The following THSD7B variants were observed in gnomAD, a reference collection of about 807,000 sequenced individuals.
THSD7B encodes the protein thrombospondin type-1 domain-containing protein 7B.
A neutral mutation model predicts 213.6 loss-of-function variants in THSD7B; 138 were observed. That is an observed-to-expected ratio of 0.65 (90% CI 0.56 to 0.74). The LOEUF (loss-of-function observed/expected upper bound fraction) is 0.74, where lower values mean the gene tolerates loss of function less well. Among genes scored for constraint, THSD7B ranks in the 30% least tolerant of loss-of-function variants. The pLI, the probability that THSD7B is intolerant of heterozygous loss-of-function variation, is 0.00. For synonymous variants in THSD7B, 742 were observed against 687.0 expected, an observed-to-expected ratio of 1.08 and a Z score of -1.25; for missense variants, 1,931 against 1,991.5, an observed-to-expected ratio of 0.97 and a Z score of 0.58.
chr2:136,980,818 C>T (rs1303343804), intron 2 of THSD7B, among the ~76,000 whole-genome samples: 1 of 152,174 alleles, frequency 6.6e-6, no homozygotes, highest in Non-Finnish European at 1.5e-5. Context: ...TCATGGTTTC[C>T]CTGGCAGGGT....
intron 27 of THSD7B, 47 bp from the exon 28 acceptor site, chr2:137,676,477 G>A (rs759760784): frequency 1.3e-6 from 2 of 1,493,950 alleles, no homozygotes; most frequent in Non-Finnish European, 1.8e-6. Flanking sequence ...AGATGAAACA[G>A]AGCTCTATGA....
intron 1 of THSD7B, among the ~76,000 whole-genome samples, chr2:136,769,063 C>G (rs1336507419): frequency 6.6e-6 from 1 of 152,194 alleles, no homozygotes; most frequent in African/African-American, 2.4e-5. Context: ...GATAAGCATT[C>G]TATTCCCACC....
chr2:137,444,169 G>A (rs1687479458), intron 14 of THSD7B, among the ~76,000 whole-genome samples: 1 of 151,918 alleles, frequency 6.6e-6, no homozygotes, highest in Non-Finnish European at 1.5e-5. Context: ...ACCTAAACAA[G>A]GTTGGAAGCA....
rs118106073 is a variant in THSD7B at position 137,109,937 on chromosome 2, A to G, written c.1200-5187A>G. On this transcript the variant is annotated intron_variant, in intron 4 of 27. Transcript: ENST00000409968. The stretch of plus-strand genomic sequence containing the variant: ...TTCTCCCCTTGACCCACCTGTCTTA[A>G]CCACACTGGCTTCTGTGCTATTTCT... Among the ~76,000 whole-genome samples the G allele has an allele frequency of 9.9e-5, 15 of 152,140 alleles. No homozygotes were observed. In the East Asian group the frequency reaches 2.7e-3, roughly 27 times the overall value.
intron 2 of THSD7B, among the ~76,000 whole-genome samples, chr2:137,047,999 G>A (rs778057969): frequency 3.2e-4 from 48 of 152,030 alleles, no homozygotes; most frequent in Non-Finnish European, 5.0e-4. Context: ...ATGGTGGTTT[G>A]CCGCACCCAT....
intron 7 of THSD7B, among the ~76,000 whole-genome samples, chr2:137,191,363 C>A (rs1680652610): frequency 6.6e-6 from 1 of 151,762 alleles, no homozygotes; most frequent in African/African-American, 2.4e-5. Context: ...AATCTCCTAA[C>A]TATTACTTGC....
chr2:137,651,487 A>G (rs1683135887), intron 21 of THSD7B, among the ~76,000 whole-genome samples: 1 of 151,444 alleles, frequency 6.6e-6, no homozygotes, highest in South Asian at 2.1e-4. Flanking sequence ...AAAGTTTGTC[A>G]GTTTTGTTTA....
chr2:137,370,081 A>G (rs1344541437), intron 12 of THSD7B, among the ~76,000 whole-genome samples: 1 of 152,138 alleles, frequency 6.6e-6, no homozygotes, highest in Non-Finnish European at 1.5e-5. Context: ...GCTCCTTTAT[A>G]TTTTATTGAC....
At chr2:137,275,837 T>G in intron 11 of THSD7B, 86 bp from the exon 12 acceptor site, 2 of 1,031,614 alleles carry the variant, frequency 1.9e-6, no homozygotes. Context: ...TGTCTTTACT[T>G]TTTTTAAACT....
intron 17 of THSD7B, among the ~76,000 whole-genome samples, chr2:137,614,513 T>C (rs766929776): frequency 1.3e-5 from 2 of 152,160 alleles, no homozygotes; most frequent in Non-Finnish European, 2.9e-5. Context: ...ATCAGGAGTA[T>C]CTACCAAGAT....
At chr2:137,013,181 T>C (rs1259821360) in intron 2 of THSD7B, among the ~76,000 whole-genome samples, 2 of 152,152 alleles carry the variant, frequency 1.3e-5, no homozygotes, top group Non-Finnish European at 2.9e-5. Flanking sequence ...CTGGCCAAGA[T>C]TGAGTAACAG....
intron 4 of THSD7B, among the ~76,000 whole-genome samples, chr2:137,106,795 C>T (rs775066265): frequency 5.3e-5 from 8 of 152,222 alleles, no homozygotes; most frequent in Non-Finnish European, 1.2e-4. Context: ...AGCAAAAGCT[C>T]ATCGTCACTG....
intron 15 of THSD7B, among the ~76,000 whole-genome samples, chr2:137,561,858 C>A (rs1325653361): frequency 6.6e-6 from 1 of 152,202 alleles, no homozygotes; most frequent in African/African-American, 2.4e-5. Context: ...TCCTTTCTTT[C>A]CACACACCCA....
intron 1 of THSD7B, among the ~76,000 whole-genome samples, chr2:136,876,783 C>G (rs1683531868): frequency 6.6e-6 from 1 of 152,136 alleles, no homozygotes; most frequent in Non-Finnish European, 1.5e-5. Context: ...GCTGAGATTC[C>G]AGGGCTTCTA....
chr2:137,565,158 T>C (rs1001615633), intron 16 of THSD7B, among the ~76,000 whole-genome samples: 1 of 152,182 alleles, frequency 6.6e-6, no homozygotes. Flanking sequence ...CTCAGACTTC[T>C]AGTCTCCAGA....
intron 2 of THSD7B, among the ~76,000 whole-genome samples, chr2:136,978,708 T>A (rs1416701874): frequency 6.6e-6 from 1 of 152,148 alleles, no homozygotes; most frequent in African/African-American, 2.4e-5. Context: ...CTCTTGAATA[T>A]AGCACACTGA....
chr2:137,291,724 T>G (rs1683343777), intron 12 of THSD7B, among the ~76,000 whole-genome samples: 3 of 152,134 alleles, frequency 2.0e-5, no homozygotes, highest in Non-Finnish European at 4.4e-5. Context: ...TTTTACAAAT[T>G]CCTTCAAAAG....
intron 14 of THSD7B, among the ~76,000 whole-genome samples, chr2:137,422,989 C>T (rs981618021): frequency 5.9e-5 from 9 of 151,924 alleles, no homozygotes; most frequent in Non-Finnish European, 1.3e-4. Context: ...AAATTGTGGA[C>T]CCATGATGAA....
intron 12 of THSD7B, among the ~76,000 whole-genome samples, chr2:137,328,901 G>A (rs191975707): frequency 4.8e-4 from 73 of 152,166 alleles, no homozygotes; most frequent in Admixed American, 7.2e-4. Flanking sequence ...GTTTCCTGAG[G>A]CCTCCCCAGC....
Sources: gnomAD v4.1 joint callset for allele counts (sites outside exome capture counted in the v4.1 genomes callset) on GRCh38, gnomAD v4.1.1 for gene constraint, MANE v1.5 for transcripts, NCBI Gene and HGNC (gene_info 2026-07-23, HGNC 2026-07-21) for gene names.